The following BCAT1 variants were observed in gnomAD, a reference collection of about 807,000 sequenced individuals.
BCAT1 encodes branched chain amino acid transaminase 1, also known as branched-chain-amino-acid aminotransferase, cytosolic.
In BCAT1, 48 loss-of-function variants were observed where a neutral mutation model predicts 52.4. The observed-to-expected ratio is 0.92, with a 90% confidence interval of 0.73 to 1.16. BCAT1 has a LOEUF of 1.16. Among genes scored for constraint, BCAT1 ranks in the 50% most tolerant of loss-of-function variants. The pLI, the probability that BCAT1 is intolerant of heterozygous loss-of-function variation, is 0.00. For missense variants in BCAT1, 451 were observed against 457.1 expected (o/e 0.99, Z 0.12); for synonymous variants, 167 against 161.3 (o/e 1.04, Z -0.27).
At position 24,894,466 on chromosome 12, in the gene BCAT1, G is replaced by A. The variant is rs753343694; in HGVS notation, c.88C>T (p.Leu30=). The change falls in exon 3 of 11, where the codon CTA becomes TTA. Residue 30 remains leucine (L), a synonymous_variant. Coordinates refer to ENST00000261192, the MANE Select transcript of BCAT1 (RefSeq NM_005504.7). ...EVVGTFKAKD[L]IVTPATILKE... is the part of the protein sequence containing the mutation. ...AAAATGGTAGCTGGTGTGACTATTAGGTCTTTAGCCTGGGGAAGAAAAATC... is the reference window on the plus strand; with the variant it reads ...AAAATGGTAGCTGGTGTGACTATTAAGTCTTTAGCCTGGGGAAGAAAAATC... The A allele has an allele frequency of 2.5e-6, 4 of 1,589,426 alleles. No homozygotes were observed. The East Asian group carries it at 9.0e-5, about 36-fold the overall frequency.
In BCAT1 at chr12:24,930,322, T is replaced by C. The variant is rs115990021; in HGVS notation, c.6+18605A>G. Among the ~76,000 whole-genome samples, 1,307 of 152,322 alleles carry C rather than the reference T, an allele frequency of 8.6e-3. 17 individuals carry two copies. The highest frequency in any genetic ancestry group is 0.029 in the African/African-American group (1,209 of 41,572). ...CCTGGGGTCTCCTTGCCCCAGCAAG[T>C]AGCCTTCTTAGACAGTGTCCTTTTG... On this transcript the variant is annotated intron_variant, in intron 1 of 10. Transcript: ENST00000261192.
chr12:24,930,896 CTTTT>C (rs5797108), intron 1 of BCAT1, among the ~76,000 whole-genome samples: 134 of 96,038 alleles, frequency 1.4e-3, no homozygotes, highest in South Asian at 3.6e-3. Context: ...GAACAGGGCC[CTTTT>C]TTTTTTTTTT....
At chr12:24,917,669 A>T (rs1329184546) in intron 1 of BCAT1, among the ~76,000 whole-genome samples, 1 of 152,230 alleles carries the variant, frequency 6.6e-6, no homozygotes. Context: ...ATGACATATC[A>T]GCCTTTTATT....
chr12:24,882,901 T>G (rs1041790379), intron 3 of BCAT1, among the ~76,000 whole-genome samples: 2 of 152,100 alleles, frequency 1.3e-5, no homozygotes, highest in African/African-American at 4.8e-5. Flanking sequence ...GCACCTGGCC[T>G]GCAAATACTT....
intron 1 of BCAT1, among the ~76,000 whole-genome samples, chr12:24,920,743 C>T (rs1037625573): frequency 1.3e-5 from 2 of 152,124 alleles, no homozygotes; most frequent in East Asian, 1.9e-4. Context: ...ACAAGAGCAC[C>T]CCGTCCTTCC....
intron 6 of BCAT1, among the ~76,000 whole-genome samples, chr12:24,848,760 A>G (rs1429357269): frequency 6.6e-6 from 1 of 152,232 alleles, no homozygotes; most frequent in Non-Finnish European, 1.5e-5. Context: ...GGTGTGCTCT[A>G]AGCCAGAAGG....
At chr12:24,834,340 G>T (rs1940829967) in intron 8 of BCAT1, 4 of 984,688 alleles carry the variant, frequency 4.1e-6, no homozygotes, top group Non-Finnish European at 4.8e-6. Context: ...GGAATTAGTG[G>T]TATAACCTCA....
chr12:24,892,425 C>T (rs937139082), intron 3 of BCAT1, among the ~76,000 whole-genome samples: 2 of 152,158 alleles, frequency 1.3e-5, no homozygotes, highest in South Asian at 4.1e-4. Context: ...AATGTGGTCC[C>T]TGGAGCGACA....
At position 24,813,966 on chromosome 12, in the gene BCAT1, A is replaced by G. The variant is rs1425717670; in HGVS notation, c.*4042T>C. 6.6e-6 allele frequency: 1 copy of G among 152,148 alleles called. No homozygotes were observed. Among genetic ancestry groups the G allele is most frequent in the Non-Finnish European group, 1.5e-5 (1 of 67,998 alleles). 9.4% of individuals were successfully genotyped at this position (152,148 alleles called of 1,614,324 possible). A position where few individuals can be genotyped will look rare whatever the true frequency, so the allele number is the denominator to read the frequency against. ...TCTATTGTTGGTTATGTCAACATTT[A>G]TCAAATGAACTATTAATAGAGTCTT... On this transcript the variant is annotated 3_prime_UTR_variant, in exon 11 of 11. Transcript: ENST00000261192.
chr12:24,874,160 A>C (rs1250322386), intron 5 of BCAT1, among the ~76,000 whole-genome samples: 1 of 152,070 alleles, frequency 6.6e-6, no homozygotes, highest in Non-Finnish European at 1.5e-5. Flanking sequence ...CTAAAAGTAC[A>C]AAAATTAGCT....
intron 5 of BCAT1, among the ~76,000 whole-genome samples, chr12:24,865,223 T>G (rs183256592): frequency 6.6e-6 from 1 of 152,328 alleles, no homozygotes; most frequent in East Asian, 1.9e-4. Context: ...AGTACCTACA[T>G]GCATGACTGT....
intron 5 of BCAT1, among the ~76,000 whole-genome samples, chr12:24,878,285 G>A (rs1262303983): frequency 1.3e-5 from 2 of 152,070 alleles, no homozygotes; most frequent in Admixed American, 1.3e-4. Context: ...TTGATTTTGG[G>A]GTATGGTAAG....
At chr12:24,891,372 T>C (rs1007675745) in intron 3 of BCAT1, among the ~76,000 whole-genome samples, 1 of 152,084 alleles carries the variant, frequency 6.6e-6, no homozygotes, top group African/African-American at 2.4e-5. Flanking sequence ...TCCAGCACCA[T>C]ATGAGTTAGG....
chr12:24,933,158 G>T (rs896922874), intron 1 of BCAT1, among the ~76,000 whole-genome samples: 13 of 106,664 alleles, frequency 1.2e-4, no homozygotes, highest in African/African-American at 4.7e-4. Flanking sequence ...AAGCAGAGAT[G>T]AGGTTTCGCT....
chr12:24,870,791 G>C (rs973452945), intron 5 of BCAT1, among the ~76,000 whole-genome samples: 2 of 152,172 alleles, frequency 1.3e-5, no homozygotes, highest in Non-Finnish European at 2.9e-5. Flanking sequence ...ACTTTGGGAG[G>C]TCAAGTGGAT....
chr12:24,917,516 G>A (rs1285855540), intron 1 of BCAT1, among the ~76,000 whole-genome samples: 1 of 152,130 alleles, frequency 6.6e-6, no homozygotes, highest in African/African-American at 2.4e-5. Context: ...CCAAAGGTGT[G>A]ATCTCCAAAG....
At chr12:24,906,632 T>C (rs17315488) in intron 1 of BCAT1, among the ~76,000 whole-genome samples, 15,834 of 152,218 alleles carry the variant, frequency 0.1, 961 homozygotes, top group Middle Eastern at 0.16. Flanking sequence ...CCATGCAGAA[T>C]AGGTGAAAGA....
intron 3 of BCAT1, among the ~76,000 whole-genome samples, chr12:24,886,614 A>C (rs1350938434): frequency 6.6e-6 from 1 of 152,146 alleles, no homozygotes; most frequent in Non-Finnish European, 1.5e-5. Flanking sequence ...AGAATATTAA[A>C]ATGACATTTG....
intron 7 of BCAT1, among the ~76,000 whole-genome samples, chr12:24,841,337 C>A (rs1470907964): frequency 6.6e-6 from 1 of 152,144 alleles, no homozygotes; most frequent in Non-Finnish European, 1.5e-5. Flanking sequence ...TACACAAAAT[C>A]CTTCCAGTAG....
Sources: gnomAD v4.1 joint callset for allele counts (sites outside exome capture counted in the v4.1 genomes callset) on GRCh38, gnomAD v4.1.1 for gene constraint, MANE v1.5 for transcripts, NCBI Gene and HGNC (gene_info 2026-07-23, HGNC 2026-07-21) for gene names.